APLP2: variants seen among roughly 807,000 people sequenced by gnomAD.
APLP2 encodes the protein amyloid beta precursor like protein 2, also known as CDEI box-binding protein.
In APLP2, 53 loss-of-function variants were observed where a neutral mutation model predicts 89.9. The observed-to-expected ratio is 0.59, with a 90% CI of 0.47 to 0.74. The LOEUF (loss-of-function observed/expected upper bound fraction) is 0.74, where lower values mean the gene tolerates loss of function less well. Ranked by LOEUF, APLP2 falls within the 30% of genes least tolerant of loss-of-function variation. APLP2 has a pLI of 0.00. For missense variants in APLP2, 973 were observed against 975.9 expected (o/e 1.00, Z 0.04); for synonymous variants, 372 against 348.6 (o/e 1.07, Z -0.75).
At chr11:130,118,811 T>C (rs1025079905) in intron 3 of APLP2, among the ~76,000 whole-genome samples, 1 of 152,194 alleles carries the variant, frequency 6.6e-6, no homozygotes, top group Non-Finnish European at 1.5e-5. Flanking sequence ...GTAAGCAGCA[T>C]GTCAGGCTCA....
intron 13 of APLP2, among the ~76,000 whole-genome samples, chr11:130,136,445 T>C (rs1164408198): frequency 6.6e-6 from 1 of 152,124 alleles, no homozygotes; most frequent in Non-Finnish European, 1.5e-5. Context: ...AGTGTCCCCA[T>C]GTGGGGATTC....
chr11:130,094,509 A>G (rs1314079338), intron 1 of APLP2, among the ~76,000 whole-genome samples: 1 of 152,198 alleles, frequency 6.6e-6, no homozygotes, highest in Non-Finnish European at 1.5e-5. Flanking sequence ...TCTATATGTA[A>G]AAAAACCCAG....
intron 1 of APLP2, among the ~76,000 whole-genome samples, chr11:130,104,628 T>C (rs962935173): frequency 2.6e-5 from 4 of 152,172 alleles, no homozygotes; most frequent in African/African-American, 9.7e-5. Context: ...TACCTATGAA[T>C]AGGTGTGTGT....
chr11:130,115,614 G>A (rs1293524834), intron 3 of APLP2, among the ~76,000 whole-genome samples: 1 of 152,228 alleles, frequency 6.6e-6, no homozygotes, highest in Non-Finnish European at 1.5e-5. Flanking sequence ...TGTTTGTCCA[G>A]TGACTTAGGA....
intron 13 of APLP2, among the ~76,000 whole-genome samples, chr11:130,137,876 G>A (rs1951819935): frequency 6.6e-6 from 1 of 152,168 alleles, no homozygotes; most frequent in South Asian, 2.1e-4. Flanking sequence ...AAGAGTTAAC[G>A]TTCCGTAAAG....
chr11:130,098,666 T>A (rs951253914), intron 1 of APLP2, among the ~76,000 whole-genome samples: 1 of 152,206 alleles, frequency 6.6e-6, no homozygotes, highest in Non-Finnish European at 1.5e-5. Context: ...ATGGAATATT[T>A]TAAAAAGAAG....
At chr11:130,087,805 G>A (rs899988137) in intron 1 of APLP2, among the ~76,000 whole-genome samples, 3 of 151,718 alleles carry the variant, frequency 2.0e-5, no homozygotes, top group Non-Finnish European at 2.9e-5. Context: ...GATTATTTGC[G>A]GCTTGATTAG....
intron 13 of APLP2, among the ~76,000 whole-genome samples, chr11:130,138,487 A>C (rs1366556714): frequency 6.6e-6 from 1 of 151,862 alleles, no homozygotes; most frequent in Non-Finnish European, 1.5e-5. Context: ...CAATTTAAAC[A>C]TTAACTTTGG....
At chr11:130,105,571 T>C (rs1016292115) in intron 1 of APLP2, among the ~76,000 whole-genome samples, 3 of 152,258 alleles carry the variant, frequency 2.0e-5, no homozygotes, top group Non-Finnish European at 4.4e-5. Flanking sequence ...TTTGTTTATT[T>C]ATTTTAATTT....
chr11:130,112,548 T>C (rs1442986961), intron 3 of APLP2, among the ~76,000 whole-genome samples: 1 of 143,866 alleles, frequency 7.0e-6, no homozygotes, highest in Non-Finnish European at 1.6e-5. Flanking sequence ...CTAGGAATCC[T>C]GTGAAAAAGT....
chr11:130,141,090 T>A lies in APLP2; in HGVS notation c.1924-408T>A, dbSNP rs1282842671. ...CCTGGCTAATTTTTTGTATTTTTAG[T>A]AGAGACGAGGTTTCACTGTGTTAGC... On this transcript the variant is annotated intron_variant, in intron 14 of 16. Transcript: ENST00000338167. The surrounding 1 kb of genome is among the most constrained non-coding windows in gnomAD (Gnocchi z 4.2). 6.2e-6 allele frequency: 1 copy of A among 160,568 alleles called. No individual in the cohort carries two copies. Among genetic ancestry groups the A allele is most frequent in the Non-Finnish European group, 1.4e-5 (1 of 73,340 alleles). 9.9% of individuals were successfully genotyped at this position (160,568 alleles called of 1,614,324 possible). A position where few individuals can be genotyped will look rare whatever the true frequency, so the allele number is the denominator to read the frequency against.
intron 10 of APLP2, 72 bp downstream of exon 10, chr11:130,129,278 A>G (rs371058061): frequency 1.1e-5 from 17 of 1,484,152 alleles, no homozygotes; most frequent in East Asian, 6.9e-5. Flanking sequence ...CACTCAGGTC[A>G]GTAAAAGTGA....
At chr11:130,122,632 T>G in intron 6 of APLP2, 119 bp downstream of exon 6, 1 of 1,498,610 alleles carries the variant, frequency 6.7e-7, no homozygotes, top group South Asian at 1.3e-5. Flanking sequence ...ACCTCTGCAC[T>G]GAAGGTGAGT....
intron 11 of APLP2, among the ~76,000 whole-genome samples, chr11:130,133,235 G>T (rs1013925763): frequency 6.6e-6 from 1 of 151,574 alleles, no homozygotes; most frequent in Non-Finnish European, 1.5e-5. Context: ...TGATCCTCCA[G>T]CCTTAGCCTC....
At chr11:130,102,522 C>G (rs1164190577) in intron 1 of APLP2, among the ~76,000 whole-genome samples, 1 of 152,176 alleles carries the variant, frequency 6.6e-6, no homozygotes, top group East Asian at 1.9e-4. Flanking sequence ...TGGCAGGCAC[C>G]TTCAGAAGCC....
At position 130,141,823 on chromosome 11, in the gene APLP2, C is replaced by T. The variant is rs1223385288; in HGVS notation, c.1999-96C>T. 1.4e-6 allele frequency: 2 copies of T among 1,465,582 alleles called. No individual in the cohort carries two copies. The highest frequency in any genetic ancestry group is 1.8e-6 in the Non-Finnish European group (2 of 1,081,774). 90.8% of individuals were successfully genotyped at this position (1,465,582 alleles called of 1,614,324 possible). A position where few individuals can be genotyped will look rare whatever the true frequency, so the allele number is the denominator to read the frequency against. On this transcript the variant is annotated intron_variant, in intron 15 of 16. Transcript: ENST00000338167. The surrounding 1 kb of genome is among the most constrained non-coding windows in gnomAD (Gnocchi z 4.2). ...TTGGTGCTACTTTGGGTTTTAGGGGCTCGACCTTCCAGGAGCGTGGCCCTC... is the reference window on the plus strand; with the variant it reads ...TTGGTGCTACTTTGGGTTTTAGGGGTTCGACCTTCCAGGAGCGTGGCCCTC...
intron 1 of APLP2, among the ~76,000 whole-genome samples, chr11:130,088,716 T>C (rs1944469132): frequency 6.6e-6 from 1 of 152,144 alleles, no homozygotes; most frequent in African/African-American, 2.4e-5. Flanking sequence ...AAAACTTAAG[T>C]ATCTCAGTCA....
intron 1 of APLP2, among the ~76,000 whole-genome samples, chr11:130,080,349 C>T (rs998409454): frequency 5.9e-5 from 9 of 151,864 alleles, no homozygotes; most frequent in African/African-American, 1.2e-4. Flanking sequence ...GGATTACAGG[C>T]GCCAGCCACC....
At chr11:130,104,831 G>A (rs1039540485) in intron 1 of APLP2, among the ~76,000 whole-genome samples, 3 of 152,138 alleles carry the variant, frequency 2.0e-5, no homozygotes, top group Non-Finnish European at 4.4e-5. Flanking sequence ...TTTAACTGAG[G>A]TGTTTTTCAG....
Sources: allele counts gnomAD v4.1 joint callset (sites outside exome capture counted in the v4.1 genomes callset), GRCh38; gene constraint gnomAD v4.1.1; non-coding constraint Gnocchi (gnomAD v3.1); transcripts MANE v1.5; gene names NCBI Gene and HGNC (gene_info 2026-07-23, HGNC 2026-07-21).